The following ARHGAP29 variants were observed in gnomAD, a reference collection of about 807,000 sequenced individuals.
ARHGAP29 encodes rho GTPase-activating protein 29.
In ARHGAP29, 43 loss-of-function variants were observed where a neutral mutation model predicts 122.6. The observed-to-expected ratio is 0.35, with a 90% CI of 0.27 to 0.45. The LOEUF is 0.45. Among genes scored for constraint, ARHGAP29 ranks in the 20% least tolerant of loss-of-function variants. ARHGAP29 has a pLI of 1.00. For synonymous variants in ARHGAP29, 506 were observed against 497.1 expected, an observed-to-expected ratio of 1.02 and a Z score of -0.24; for missense variants, 1,303 against 1,477.2, an observed-to-expected ratio of 0.88 and a Z score of 1.93.
chr1:94,285,530 T>C, the ARHGAP29 span, among the ~76,000 whole-genome samples: 1 of 152,054 alleles, frequency 6.6e-6, no homozygotes, highest in South Asian at 2.1e-4. Context: ...AAGTGAGTCA[T>C]AAATTGATTC....
intron 16 of ARHGAP29, among the ~76,000 whole-genome samples, chr1:94,185,733 T>C (rs943632635): frequency 4.6e-5 from 7 of 152,146 alleles, no homozygotes; most frequent in South Asian, 2.1e-4. Context: ...AATAATAACA[T>C]GACATAACGT....
intron 1 of ARHGAP29, among the ~76,000 whole-genome samples, chr1:94,266,103 C>T (rs1043114687): frequency 3.9e-5 from 6 of 152,216 alleles, no homozygotes; most frequent in Non-Finnish European, 7.4e-5. Flanking sequence ...TAAAGGAAAC[C>T]GAAATCTACT....
At chr1:94,209,745 T>G (rs1262989663) in intron 3 of ARHGAP29, among the ~76,000 whole-genome samples, 1 of 152,176 alleles carries the variant, frequency 6.6e-6, no homozygotes, top group African/African-American at 2.4e-5. Context: ...CTAAACACAC[T>G]GTAGCTCACT....
chr1:94,230,865 C>T (rs1469257040), intron 2 of ARHGAP29, among the ~76,000 whole-genome samples: 4 of 151,644 alleles, frequency 2.6e-5, no homozygotes, highest in Non-Finnish European at 4.4e-5. Flanking sequence ...GTCTCATGCT[C>T]CATTATTCAT....
chr1:94,220,837 C>A (rs1025248638), intron 2 of ARHGAP29, among the ~76,000 whole-genome samples: 3 of 151,690 alleles, frequency 2.0e-5, no homozygotes, highest in Non-Finnish European at 4.4e-5. Context: ...AATGTACAGA[C>A]CTTTAATGAG....
chr1:94,195,170 G>C (rs1173615554), intron 12 of ARHGAP29: 1 of 152,190 alleles, frequency 6.6e-6, no homozygotes, highest in African/African-American at 2.4e-5. Context: ...GAAGGGAAGG[G>C]AAAGAGTTCT....
At chr1:94,229,417 T>G (rs1652800309) in intron 2 of ARHGAP29, among the ~76,000 whole-genome samples, 1 of 151,766 alleles carries the variant, frequency 6.6e-6, no homozygotes, top group Non-Finnish European at 1.5e-5. Context: ...CCTTATCTTT[T>G]ATAATGAGGT....
intron 22 of ARHGAP29, 124 bp from the exon 23 acceptor site, chr1:94,174,873 C>A: frequency 9.4e-7 from 1 of 1,067,490 alleles, no homozygotes; most frequent in Non-Finnish European, 1.3e-6. Flanking sequence ...AAATAATATT[C>A]TCAGTTACCT....
chr1:94,224,928 A>G (rs1652526530), intron 2 of ARHGAP29, among the ~76,000 whole-genome samples: 1 of 152,186 alleles, frequency 6.6e-6, no homozygotes, highest in African/African-American at 2.4e-5. Context: ...AAGCTCCTTA[A>G]GTTACACTAT....
intron 11 of ARHGAP29, 153 bp downstream of exon 11, chr1:94,202,391 T>C (rs887606840): frequency 3.7e-5 from 31 of 839,988 alleles, no homozygotes; most frequent in Non-Finnish European, 5.1e-5. Context: ...TTAAAAAATG[T>C]TGACCTACTG....
In ARHGAP29 at chr1:94,231,588, CT is replaced by C. The variant is rs1218272455; in HGVS notation, c.23del (p.Lys8ArgfsTer27). On this transcript the variant is annotated frameshift_variant, in exon 2 of 23. Coordinates refer to ENST00000260526, the MANE Select transcript of ARHGAP29 (RefSeq NM_004815.4). LOFTEE classifies it high-confidence loss of function. The stretch of plus-strand genomic sequence containing the variant: ...ATGCCCAAGCACGTTTTTTCTTTGT[CT>C]TTTTCTGTTTGTGAGCAATCATCCT... MIAHKQK[K>X]TKKKRAWASG... 1.2e-6 allele frequency: 2 copies of C among 1,613,136 alleles called. No individual in the cohort carries two copies. Among genetic ancestry groups the C allele is most frequent in the Non-Finnish European group, 1.7e-6 (2 of 1,179,590 alleles).
intron 2 of ARHGAP29, among the ~76,000 whole-genome samples, chr1:94,221,135 T>C (rs1292311776): frequency 1.3e-5 from 2 of 152,106 alleles, no homozygotes; most frequent in African/African-American, 2.4e-5. Flanking sequence ...ACTATACAAT[T>C]TATCATTCAA....
chr1:94,256,536 C>CTTTTTTTTTTTTTTTTTTTTTTTTTTT (rs530295333), intron 1 of ARHGAP29, among the ~76,000 whole-genome samples: 1 of 45,296 alleles, frequency 2.2e-5, no homozygotes, highest in Non-Finnish European at 3.7e-5. Flanking sequence ...CAGTACTAAT[C>CTTTTTTTTTTTTTTTTTTTTTTTTTTT]TTTTTTTTTT....
intron 3 of ARHGAP29, among the ~76,000 whole-genome samples, chr1:94,211,525 C>G (rs964711880): frequency 6.6e-6 from 1 of 151,994 alleles, no homozygotes; most frequent in Non-Finnish European, 1.5e-5. Flanking sequence ...TTATATGACA[C>G]CCTACCTGAC....
the ARHGAP29 span, among the ~76,000 whole-genome samples, chr1:94,296,945 T>G: frequency 6.6e-6 from 1 of 152,150 alleles, no homozygotes; most frequent in Non-Finnish European, 1.5e-5. Context: ...GCAGACAGCT[T>G]TTTATGGATT....
At chr1:94,261,835 T>C (rs6669316) in intron 1 of ARHGAP29, among the ~76,000 whole-genome samples, 4,024 of 152,272 alleles carry the variant, frequency 0.026, 181 homozygotes, top group African/African-American at 0.092. Flanking sequence ...TTGCCTAAAG[T>C]GATTTATAGA....
the ARHGAP29 span, among the ~76,000 whole-genome samples, chr1:94,294,450 C>T: frequency 6.6e-6 from 1 of 152,072 alleles, no homozygotes; most frequent in East Asian, 1.9e-4. Flanking sequence ...ACCTGGCTAA[C>T]TTTTTAAATT....
rs11551175 is a variant in ARHGAP29 at position 94,179,870 on chromosome 1, T to C, written c.2335A>G (p.Thr779Ala). Reference protein sequence around the residue: ...EIQHVNEEQETKKNSLEDKKW... With the variant: ...EIQHVNEEQEAKKNSLEDKKW... Reference sequence around the variant, plus strand: ...TTGTCTTCAAGACTATTCTTTTTTGTCTCTTGTTCTTCATTTACATGTTGG... The same window carrying C: ...TTGTCTTCAAGACTATTCTTTTTTGCCTCTTGTTCTTCATTTACATGTTGG... Residue 779 changes from threonine (T) to alanine (A), a missense_variant, in exon 20 of 23, where the codon ACA becomes GCA. Physicochemically the swap from Thr to Ala is moderately conservative, Grantham distance 58 (BLOSUM62 0). Coordinates refer to ENST00000260526, the MANE Select transcript of ARHGAP29 (RefSeq NM_004815.4). The C allele has an allele frequency of 3.1e-6, 5 of 1,613,368 alleles. No homozygotes were observed. The highest frequency in any genetic ancestry group is 1.7e-4 in the Middle Eastern group (1 of 6,052).
At chr1:94,285,873 C>CAA in the ARHGAP29 span, among the ~76,000 whole-genome samples, 22 of 72,566 alleles carry the variant, frequency 3.0e-4, no homozygotes, top group African/African-American at 7.7e-4. Flanking sequence ...GACTCTGTCT[C>CAA]AAAAAAAAAA....
Sources: allele counts gnomAD v4.1 joint callset (sites outside exome capture counted in the v4.1 genomes callset), GRCh38; gene constraint gnomAD v4.1.1; transcripts MANE v1.5; gene names NCBI Gene and HGNC (gene_info 2026-07-23, HGNC 2026-07-21).